The following NSFL1C variants were observed in gnomAD, a reference collection of about 807,000 sequenced individuals.
The protein encoded by NSFL1C is NSFL1 cofactor p47.
A neutral mutation model predicts 43.1 loss-of-function variants in NSFL1C; 14 were observed. That is an observed-to-expected ratio of 0.32 (90% confidence interval 0.21 to 0.51). NSFL1C has a LOEUF of 0.51. NSFL1C is among the 20% of genes least tolerant of loss of function. The pLI, the probability that NSFL1C is intolerant of heterozygous loss-of-function variation, is 0.98. For synonymous variants in NSFL1C, 171 were observed against 183.5 expected (o/e 0.93, Z 0.55); for missense variants, 406 against 472.5 (o/e 0.86, Z 1.30).
Position 1,445,860 on chromosome 20 carries a change from A to G in NSFL1C, c.786-30T>C, listed in dbSNP as rs773230803. 7 of 1,608,958 alleles carry G rather than the reference A, an allele frequency of 4.4e-6. No homozygotes were observed. In the Admixed American group the frequency reaches 1.2e-4, roughly 27 times the overall value. On this transcript the variant is annotated intron_variant, in intron 7 of 8. Transcript: ENST00000216879. ...GGAGAGAGGATGGCATCAGAACACA[A>G]GCAGAAACAAGGCCCCTAGCAAGAA...
At chr20:1,449,454 C>A (rs2090139270) in intron 7 of NSFL1C, among the ~76,000 whole-genome samples, 1 of 152,168 alleles carries the variant, frequency 6.6e-6, no homozygotes. Context: ...ATAATAAGAG[C>A]ACATCATTCA....
intron 2 of NSFL1C, among the ~76,000 whole-genome samples, chr20:1,459,818 CAAAGGGAAT>C (rs948614306): frequency 2.0e-5 from 3 of 152,198 alleles, no homozygotes; most frequent in Admixed American, 6.5e-5. Flanking sequence ...TTCATCTTCC[CAAAGGGAAT>C]TTTCCATACA....
chr20:1,458,262 C>T lies in NSFL1C; in HGVS notation c.216G>A (p.Val72=). 6.2e-7 allele frequency: 1 copy of T among 1,613,660 alleles called. No individual in the cohort carries two copies. Among genetic ancestry groups the T allele is most frequent in the Non-Finnish European group, 8.5e-7 (1 of 1,179,632 alleles). ...CATGAATGAGGTCTCTGAAGGATGT[C>T]ACTCTATTATCACTGGAGACACAGA... ...SRGTAPSDNR[V]TSFRDLIHDQ... The change falls in exon 3 of 9, where the codon GTG becomes GTA. Residue 72 remains valine (V), a synonymous_variant. Coordinates refer to ENST00000216879, the MANE Select transcript of NSFL1C (RefSeq NM_016143.5).
Position 1,443,555 on chromosome 20 carries a change from T to C in NSFL1C, c.*194A>G. The C allele has an allele frequency of 2.0e-6, 1 of 500,514 alleles. No individual in the cohort carries two copies. The highest frequency in any genetic ancestry group is 3.5e-6 in the Non-Finnish European group (1 of 284,168). 31.0% of individuals were successfully genotyped at this position (500,514 alleles called of 1,614,324 possible). A position where few individuals can be genotyped will look rare whatever the true frequency, so the allele number is the denominator to read the frequency against. On this transcript the variant is annotated 3_prime_UTR_variant, in exon 9 of 9. Transcript: ENST00000216879. ...TTTTTTTTTCATTAAAGTCCATTGATCATCACAAAAACCCAGGAAATGCAA... is the reference window on the plus strand; with the variant it reads ...TTTTTTTTTCATTAAAGTCCATTGACCATCACAAAAACCCAGGAAATGCAA...
Position 1,466,105 on chromosome 20 carries a change from A to G in NSFL1C, c.105+615T>C, listed in dbSNP as rs149596588. Among the ~76,000 whole-genome samples the G allele has an allele frequency of 5.2e-3, 797 of 152,312 alleles. 5 individuals carry two copies. Among genetic ancestry groups the G allele is most frequent in the Non-Finnish European group, 8.9e-3 (606 of 68,030 alleles). Reference sequence around the variant, plus strand: ...ACTGGGAATTCATCAGTGTACAAAAATCCCTGCCTCGTGAAGCTTAAGTCT... The same window carrying G: ...ACTGGGAATTCATCAGTGTACAAAAGTCCCTGCCTCGTGAAGCTTAAGTCT... On this transcript the variant is annotated intron_variant, in intron 1 of 8. Transcript: ENST00000216879.
intron 1 of NSFL1C, among the ~76,000 whole-genome samples, chr20:1,465,785 C>G (rs2090497500): frequency 6.6e-6 from 1 of 152,218 alleles, no homozygotes; most frequent in South Asian, 2.1e-4. Flanking sequence ...AGCTTGGGCT[C>G]TGTCTGCTTG....
At chr20:1,464,258 C>T in intron 2 of NSFL1C, 71 bp downstream of exon 2, 2 of 1,385,092 alleles carry the variant, frequency 1.4e-6, no homozygotes, top group African/African-American at 1.4e-5. Flanking sequence ...GGCCTGAACG[C>T]TCTGGTCAGA....
intron 3 of NSFL1C, among the ~76,000 whole-genome samples, chr20:1,457,346 G>A (rs1219838979): frequency 1.3e-5 from 2 of 152,040 alleles, no homozygotes; most frequent in Non-Finnish European, 2.9e-5. Flanking sequence ...TACTTATGGT[G>A]TACAAAGTGA....
intron 2 of NSFL1C, among the ~76,000 whole-genome samples, chr20:1,461,289 C>A (rs1209612000): frequency 6.6e-6 from 1 of 152,120 alleles, no homozygotes. Flanking sequence ...AGTCAAAGAA[C>A]TGAAGGAGTG....
Position 1,443,742 on chromosome 20 carries a change from T to C in NSFL1C, c.*7A>G. On this transcript the variant is annotated 3_prime_UTR_variant, in exon 9 of 9. Transcript: ENST00000216879. ...ACAGGAGGGAGGCCAGGCAGCTGGC[T>C]GGGCGGTTATGTTAACCGCTGCACG... 6.2e-7 allele frequency: 1 copy of C among 1,612,960 alleles called. No homozygotes were observed. Among genetic ancestry groups the C allele is most frequent in the Non-Finnish European group, 8.5e-7 (1 of 1,179,012 alleles).
rs1483640630 is a variant in NSFL1C at position 1,443,684 on chromosome 20, C to A, written c.*65G>T. ...TGCACAAGGGGGCAGGAGGGGCGAT[C>A]CCCATGGGGCATGGCCACTGGCCAT... On this transcript the variant is annotated 3_prime_UTR_variant, in exon 9 of 9. Coordinates refer to ENST00000216879, the MANE Select transcript of NSFL1C (RefSeq NM_016143.5). The A allele has an allele frequency of 5.1e-6, 8 of 1,570,824 alleles. No homozygotes were observed. Among genetic ancestry groups the A allele is most frequent in the Non-Finnish European group, 6.1e-6 (7 of 1,144,494 alleles).
At chr20:1,459,165 C>T (rs2090362101) in intron 2 of NSFL1C, among the ~76,000 whole-genome samples, 4 of 152,218 alleles carry the variant, frequency 2.6e-5, no homozygotes, top group Admixed American at 1.3e-4. Flanking sequence ...TGGTTTGGCT[C>T]TGTGTCCCCA....
rs752432406 is a variant in NSFL1C, at chr20:1,443,078, C to G, written c.*671G>C. 1 of 152,300 alleles carries G rather than the reference C, an allele frequency of 6.6e-6. No homozygotes were observed. Among genetic ancestry groups the G allele is most frequent in the Non-Finnish European group, 1.5e-5 (1 of 68,122 alleles). 9.4% of individuals were successfully genotyped at this position (152,300 alleles called of 1,614,324 possible). ...GTCTGGATGGTAATGGAGGAAAGGG[C>G]CAGGCAGGCAGGTGGAACAGAATCT... On this transcript the variant is annotated 3_prime_UTR_variant, in exon 9 of 9. Coordinates refer to ENST00000216879, the MANE Select transcript of NSFL1C (RefSeq NM_016143.5).
At position 1,466,846 on chromosome 20, in the gene NSFL1C, A is replaced by G; in HGVS notation, c.-22T>C. 2.0e-6 allele frequency: 3 copies of G among 1,517,196 alleles called. No homozygotes were observed. Among genetic ancestry groups the G allele is most frequent in the Non-Finnish European group, 2.6e-6 (3 of 1,135,526 alleles). 94.0% of individuals were successfully genotyped at this position (1,517,196 alleles called of 1,614,324 possible). The stretch of plus-strand genomic sequence containing the variant: ...CCATCTTCGCCCCGTGCGCCTTCCA[A>G]AGCGCTCCGGCGGCCGCCGCACAGG... On this transcript the variant is annotated 5_prime_UTR_variant, in exon 1 of 9. Coordinates refer to ENST00000216879, the MANE Select transcript of NSFL1C (RefSeq NM_016143.5).
At chr20:1,464,288 C>A (rs749305365) in intron 2 of NSFL1C, 41 bp downstream of exon 2, 1 of 1,568,190 alleles carries the variant, frequency 6.4e-7, no homozygotes, top group East Asian at 2.2e-5. Flanking sequence ...CTCTTCACTG[C>A]TGGAAACACT....
Position 1,466,743 on chromosome 20 carries a change from C to G in NSFL1C, c.82G>C (p.Glu28Gln). 1.3e-6 allele frequency: 2 copies of G among 1,562,242 alleles called. No homozygotes were observed. Among genetic ancestry groups the G allele is most frequent in the Non-Finnish European group, 1.7e-6 (2 of 1,156,716 alleles). The change falls in exon 1 of 9, where the codon GAG becomes CAG. Residue 28 changes from glutamate to glutamine, a missense_variant. Physicochemically the swap from Glu to Gln is conservative, Grantham distance 29 (BLOSUM62 2). Transcript: ENST00000216879. ...ACCTGCAAGTCCCAGCCGGCCGACT[C>G]GAGAAAGAAGCGGGCCCGGTCCTCC... ...AEEDRARFFLESAGWDLQIAL... is the reference protein window; with the variant it reads ...AEEDRARFFLQSAGWDLQIAL...
chr20:1,454,689 TAAAAC>T (rs2122888031), intron 4 of NSFL1C, among the ~76,000 whole-genome samples: 1 of 152,216 alleles, frequency 6.6e-6, no homozygotes, highest in African/African-American at 2.4e-5. Context: ...TTAATTCAAG[TAAAAC>T]AAAATAAAAC....
chr20:1,454,266 C>G lies in NSFL1C; in HGVS notation c.484G>C (p.Glu162Gln). 1 of 1,612,764 alleles carries G rather than the reference C, an allele frequency of 6.2e-7. No individual in the cohort carries two copies. Among genetic ancestry groups the G allele is most frequent in the Non-Finnish European group, 8.5e-7 (1 of 1,180,018 alleles). Residue 162 changes from glutamate to glutamine, a missense_variant, in exon 5 of 9, where the codon GAG becomes CAG. Glu to Gln is a conservative substitution (Grantham distance 29, BLOSUM62 2). This residue lies in a region of NSFL1C where 203 missense variants were observed against 216.3 expected (regional missense o/e 0.94). Transcript: ENST00000216879. ...GGGYRLGAAP[E>Q]EESAYVAGEK... Reference sequence around the variant, plus strand: ...CCTGCCACATAGGCAGACTCTTCCTCTGGTGCTGCCCCAAGGCGGTAGCCA... The same window carrying G: ...CCTGCCACATAGGCAGACTCTTCCTGTGGTGCTGCCCCAAGGCGGTAGCCA...
chr20:1,457,162 T>C (rs915475973), intron 3 of NSFL1C: 1 of 152,238 alleles, frequency 6.6e-6, no homozygotes, highest in Non-Finnish European at 1.5e-5. Flanking sequence ...TATACACTTA[T>C]AAGCCTATTA....
Sources: gnomAD v4.1 joint callset for allele counts (sites outside exome capture counted in the v4.1 genomes callset) on GRCh38, gnomAD v4.1.1 for gene constraint, gnomAD v4.1.1 regional missense constraint, MANE v1.5 for transcripts, NCBI Gene and HGNC (gene_info 2026-07-23, HGNC 2026-07-21) for gene names.